ADAP1: variants seen among roughly 807,000 people sequenced by gnomAD.
The protein encoded by ADAP1 is ArfGAP with dual PH domains 1.
In ADAP1, 31 loss-of-function variants were observed where a neutral mutation model predicts 54.9. That is an observed-to-expected ratio of 0.56 (90% CI 0.42 to 0.76). ADAP1 has a LOEUF of 0.76. Ranked by LOEUF, ADAP1 falls within the 30% of genes least tolerant of loss-of-function variation. ADAP1 has a pLI of 0.00. For synonymous variants in ADAP1, 313 were observed against 202.6 expected (o/e 1.55, Z -4.63); for missense variants, 535 against 512.4 (o/e 1.04, Z -0.42).
At chr7:916,272 G>A (rs1446007540) in intron 4 of ADAP1, among the ~76,000 whole-genome samples, 1 of 152,226 alleles carries the variant, frequency 6.6e-6, no homozygotes, top group African/African-American at 2.4e-5. Flanking sequence ...AGAACTAGGA[G>A]ATAGAGGTGC....
intron 6 of ADAP1, among the ~76,000 whole-genome samples, chr7:903,301 ACGTGGGAGGGGAT>A (rs1387178652): frequency 6.6e-6 from 1 of 151,816 alleles, no homozygotes; most frequent in African/African-American, 2.4e-5. Context: ...GGGGACGGGC[ACGTGGGAGGGGAT>A]GGAAAGAGCT....
At chr7:949,295 C>T (rs1347837269) in intron 1 of ADAP1, among the ~76,000 whole-genome samples, 6 of 152,274 alleles carry the variant, frequency 3.9e-5, no homozygotes, top group Non-Finnish European at 7.3e-5. Context: ...GGCCACGTGC[C>T]GCCTCAGCCA....
intron 4 of ADAP1, among the ~76,000 whole-genome samples, chr7:906,614 A>G (rs60420410): frequency 5.4e-5 from 2 of 36,888 alleles, no homozygotes; most frequent in Non-Finnish European, 8.7e-5. Context: ...AAAGGGAGAA[A>G]GGGAAAGGAG....
chr7:927,311 C>T (rs556984736), intron 2 of ADAP1: 51 of 1,133,144 alleles, frequency 4.5e-5, no homozygotes, highest in Non-Finnish European at 5.8e-5. Flanking sequence ...TCCTGGCAGG[C>T]GCAAAGGCCC....
chr7:921,322 C>T (rs1284975753), intron 3 of ADAP1, among the ~76,000 whole-genome samples: 1 of 152,182 alleles, frequency 6.6e-6, no homozygotes. Context: ...TGCAAAGATC[C>T]TACTTTTCTT....
intron 4 of ADAP1, among the ~76,000 whole-genome samples, chr7:914,845 C>T (rs144680216): frequency 4.6e-5 from 7 of 152,246 alleles, no homozygotes; most frequent in African/African-American, 1.7e-4. Context: ...CCGTCTGAAG[C>T]AGCCAGGCCT....
At chr7:907,492 A>C (rs1287838316) in intron 4 of ADAP1, among the ~76,000 whole-genome samples, 1 of 152,068 alleles carries the variant, frequency 6.6e-6, no homozygotes, top group Non-Finnish European at 1.5e-5. Context: ...GAGCTGTGGG[A>C]GAACAAACAC....
At chr7:943,242 G>C (rs1847023931) in intron 1 of ADAP1, among the ~76,000 whole-genome samples, 1 of 26,794 alleles carries the variant, frequency 3.7e-5, no homozygotes, top group Non-Finnish European at 7.2e-5. Flanking sequence ...GGAAGGGAGA[G>C]AGGAGGAGGA....
At chr7:918,249 C>T (rs2128103904) in intron 4 of ADAP1, among the ~76,000 whole-genome samples, 1 of 152,334 alleles carries the variant, frequency 6.6e-6, no homozygotes, top group Middle Eastern at 3.4e-3. Flanking sequence ...CAGAGTCTTG[C>T]TCTGTCACCC....
At chr7:902,799 A>C (rs1420748133) in intron 6 of ADAP1, among the ~76,000 whole-genome samples, 1 of 143,964 alleles carries the variant, frequency 6.9e-6, no homozygotes, top group Non-Finnish European at 1.6e-5. Context: ...ACACACGCAC[A>C]GCATTGGAGA....
Position 904,106 on chromosome 7 carries a change from G to A in ADAP1, c.648+20C>T, listed in dbSNP as rs139899830. ...CCACCCTCCTGTGCCACCCGGGCCC[G>A]AGTGCTCGCCAGCACCCACCTTCCC... On this transcript the variant is annotated intron_variant, in intron 6 of 10. Coordinates refer to ENST00000265846, the MANE Select transcript of ADAP1 (RefSeq NM_006869.4). 1,165 of 1,610,638 alleles carry A rather than the reference G, an allele frequency of 7.2e-4. 6 individuals carry two copies. In the African/African-American group the frequency reaches 0.011, roughly 15 times the overall value.
chr7:900,658 C>T, intron 6 of ADAP1, 42 bp from the exon 7 acceptor site: 1 of 1,482,530 alleles, frequency 6.7e-7, no homozygotes, highest in South Asian at 1.2e-5. Context: ...GAGGAGGCTG[C>T]AGCGCTGGGG....
chr7:923,836 G>A (rs766709032), intron 3 of ADAP1, among the ~76,000 whole-genome samples: 15 of 152,162 alleles, frequency 9.9e-5, no homozygotes, highest in Admixed American at 2.6e-4. Flanking sequence ...ACTCAGACCC[G>A]GGCTTGTCCA....
Position 946,926 on chromosome 7 carries a change from G to A in ADAP1, c.82+7470C>T, listed in dbSNP as rs1238651087. 1.3e-5 allele frequency among the ~76,000 whole-genome samples: 2 copies of A among 152,208 alleles called. No homozygotes were observed. Among genetic ancestry groups the A allele is most frequent in the Non-Finnish European group, 2.9e-5 (2 of 68,038 alleles). On this transcript the variant is annotated intron_variant, in intron 1 of 10. Transcript: ENST00000265846. The surrounding 1 kb of genome is among the most constrained non-coding windows in gnomAD (Gnocchi z 4.3). The stretch of plus-strand genomic sequence containing the variant: ...CAAGGTGAACGGGTGGAGCCCAGGA[G>A]TTCGAGACCAGCCTGGGCAACATAG...
At position 925,877 on chromosome 7, in the gene ADAP1, A is replaced by C. The variant is rs540728630; in HGVS notation, c.305+676T>G. Among the ~76,000 whole-genome samples the C allele has an allele frequency of 3.9e-5, 6 of 152,166 alleles. No homozygotes were observed. In the South Asian group the frequency reaches 1.2e-3, roughly 32 times the overall value. ...TGCCCAGTGAGGCTGGGATTGAACC[A>C]GGGCAGGAAGCATGGGGGGCCGGGA... On this transcript the variant is annotated intron_variant, in intron 3 of 10. Coordinates refer to ENST00000265846, the MANE Select transcript of ADAP1 (RefSeq NM_006869.4).
intron 3 of ADAP1, among the ~76,000 whole-genome samples, chr7:924,160 G>A (rs11975002): frequency 5.5e-3 from 144 of 26,362 alleles, no homozygotes; most frequent in Non-Finnish European, 6.7e-3. Context: ...GCAGGTCCAC[G>A]CTGCACCCCC....
chr7:905,011 G>A (rs532815161), intron 5 of ADAP1, 49 bp downstream of exon 5: 6 of 1,554,248 alleles, frequency 3.9e-6, no homozygotes, highest in Admixed American at 3.3e-5. Context: ...TGGGAGGCCG[G>A]GATGCCGCCC....
chr7:925,923 C>A (rs929469955), intron 3 of ADAP1, among the ~76,000 whole-genome samples: 1 of 152,330 alleles, frequency 6.6e-6, no homozygotes, highest in Middle Eastern at 3.4e-3. Context: ...TGGGCCAACA[C>A]GTCTTTCCCC....
At chr7:906,738 A>ATCG (rs1562915484) in intron 4 of ADAP1, among the ~76,000 whole-genome samples, 2 of 25,466 alleles carry the variant, frequency 7.9e-5, no homozygotes, top group African/African-American at 1.6e-4. Flanking sequence ...CATGGGGGAC[A>ATCG]GAGTACATAG....
Sources: allele counts gnomAD v4.1 joint callset (sites outside exome capture counted in the v4.1 genomes callset), GRCh38; gene constraint gnomAD v4.1.1; non-coding constraint Gnocchi (gnomAD v3.1); transcripts MANE v1.5; gene names NCBI Gene and HGNC (gene_info 2026-07-23, HGNC 2026-07-21).